KIF17: variants seen among roughly 807,000 people sequenced by gnomAD.
KIF17 encodes the protein kinesin-like protein KIF17.
In KIF17, 80 loss-of-function variants were observed where a neutral mutation model predicts 96.8. The ratio of observed to expected loss-of-function variants is 0.83; its 90% CI spans 0.69 to 1.00. The LOEUF (loss-of-function observed/expected upper bound fraction) is 1.00, where lower values mean the gene tolerates loss of function less well. KIF17 is among the 50% of genes least tolerant of loss of function. The pLI, the probability that KIF17 is intolerant of heterozygous loss-of-function variation, is 0.00. For synonymous variants in KIF17, 567 were observed against 587.5 expected (o/e 0.97, Z 0.51); for missense variants, 1,280 against 1,372.9 (o/e 0.93, Z 1.07).
chr1:20,705,829 C>A lies in KIF17; in HGVS notation c.671-930G>T, dbSNP rs546609482. ...TCACCACCTGTATATAAACTGTGAA[C>A]TGAAATACTGACAGAGCCGCTCTGG... On this transcript the variant is annotated intron_variant, in intron 4 of 14. Transcript: ENST00000400463. 2.0e-5 allele frequency among the ~76,000 whole-genome samples: 3 copies of A among 148,276 alleles called. No homozygotes were observed. The South Asian group carries it at 6.4e-4, about 32-fold the overall frequency.
intron 6 of KIF17, among the ~76,000 whole-genome samples, chr1:20,694,581 C>G (rs978725256): frequency 6.6e-6 from 1 of 152,176 alleles, no homozygotes; most frequent in African/African-American, 2.4e-5. Context: ...ATGGCGTGGG[C>G]AAGCACCATG....
chr1:20,687,495 C>G lies in KIF17; in HGVS notation c.1831G>C (p.Gly611Arg). 3.7e-6 allele frequency: 6 copies of G among 1,613,798 alleles called. No homozygotes were observed. Among genetic ancestry groups the G allele is most frequent in the Non-Finnish European group, 5.1e-6 (6 of 1,179,824 alleles). The change falls in exon 8 of 15, where the codon GGC (glycine) becomes CGC (arginine). Residue 611 changes from glycine to arginine, a missense_variant. Coordinates refer to ENST00000400463, the MANE Select transcript of KIF17 (RefSeq NM_001122819.3). This position sits in a 1 kb window ranked among gnomAD's most constrained non-coding sequence, Gnocchi z 4.4. ...ACCTCGGCAAACGGGTCCTGCAGGC[C>G]TAGTAACCCCTGCAGGGGCACCTCC... ...PQEVPLQGLLGLQDPFAEVEA... is the reference protein window; with the variant it reads ...PQEVPLQGLLRLQDPFAEVEA...
At chr1:20,674,942 G>A (rs932789487) in intron 11 of KIF17, among the ~76,000 whole-genome samples, 3 of 152,054 alleles carry the variant, frequency 2.0e-5, no homozygotes, top group African/African-American at 7.2e-5. Flanking sequence ...CTGAGGTCAG[G>A]AGTTCGAGAC....
intron 2 of KIF17, among the ~76,000 whole-genome samples, chr1:20,714,135 G>A (rs944601126): frequency 6.6e-6 from 1 of 152,154 alleles, no homozygotes; most frequent in African/African-American, 2.4e-5. Flanking sequence ...AGATCATCCT[G>A]GCTAACACGG....
chr1:20,698,546 A>G, intron 5 of KIF17, 58 bp from the exon 6 acceptor site: 1 of 1,163,358 alleles, frequency 8.6e-7, no homozygotes, highest in Non-Finnish European at 1.3e-6. Context: ...TGCAGGAACT[A>G]AGCAGAAATC....
chr1:20,664,342 TG>T lies in KIF17; in HGVS notation c.*241del, dbSNP rs2053486057. On this transcript the variant is annotated 3_prime_UTR_variant, in exon 15 of 15. Coordinates refer to ENST00000400463, the MANE Select transcript of KIF17 (RefSeq NM_001122819.3). ...AGGTGAGCAGACGGAAACACTGATG[TG>T]GTATGAACAGCTGGAGCAGGCCTCT... The T allele has an allele frequency of 7.1e-7, 1 of 1,411,404 alleles. No individual in the cohort carries two copies. The highest frequency in any genetic ancestry group is 9.2e-7 in the Non-Finnish European group (1 of 1,084,218). 87.4% of individuals were successfully genotyped at this position (1,411,404 alleles called of 1,614,324 possible). A position where few individuals can be genotyped will look rare whatever the true frequency, so the allele number is the denominator to read the frequency against.
At position 20,700,505 on chromosome 1, in the gene KIF17, G is replaced by A. The variant is rs1395988552; in HGVS notation, c.1124-2017C>T. ...ACCTGAGTTGCCTCTGTCAGCTGTT[G>A]GGGGGAGCTGCAGCCTAGCAGATTT... On this transcript the variant is annotated intron_variant, in intron 5 of 14. Coordinates refer to ENST00000400463, the MANE Select transcript of KIF17 (RefSeq NM_001122819.3). The surrounding 1 kb of genome is among the most constrained non-coding windows in gnomAD (Gnocchi z 4.6). 6.6e-6 allele frequency among the ~76,000 whole-genome samples: 1 copy of A among 152,188 alleles called. No homozygotes were observed. The highest frequency in any genetic ancestry group is 2.4e-5 in the African/African-American group (1 of 41,446).
chr1:20,709,968 G>T lies in KIF17; in HGVS notation c.481-140C>A. On this transcript the variant is annotated intron_variant, in intron 3 of 14. Transcript: ENST00000400463. The surrounding 1 kb of genome is among the most constrained non-coding windows in gnomAD (Gnocchi z 4.7). ...ATGCAGGCTGGCACCTCACATGCCT[G>T]TCACAGGGAGGGGTGTGTTCCAGGC... The T allele has an allele frequency of 1.3e-6, 1 of 783,088 alleles. No individual in the cohort carries two copies. Among genetic ancestry groups the T allele is most frequent in the Non-Finnish European group, 2.2e-6 (1 of 463,810 alleles). 48.5% of individuals were successfully genotyped at this position (783,088 alleles called of 1,614,324 possible).
Position 20,690,235 on chromosome 1 carries a change from T to C in KIF17, c.1334A>G (p.Tyr445Cys). The C allele has an allele frequency of 6.2e-7, 1 of 1,613,714 alleles. No individual in the cohort carries two copies. Among genetic ancestry groups the C allele is most frequent in the East Asian group, 2.2e-5 (1 of 44,830 alleles). The part of the protein sequence containing the change: ...EEDITAMRNS[Y>C]DVRLSTLEEN... Reference sequence around the variant, plus strand: ...CTCCAGCGTGGACAGCCTGACGTCATATGAGTTGCGCATGGCAGTGATGTC... The same window carrying C: ...CTCCAGCGTGGACAGCCTGACGTCACATGAGTTGCGCATGGCAGTGATGTC... Residue 445 changes from tyrosine to cysteine, a missense_variant, in exon 7 of 15, where the codon TAT becomes TGT. Physicochemically the swap from Tyr to Cys is radical, Grantham distance 194. Transcript: ENST00000400463.
In KIF17 at chr1:20,672,727, A is replaced by G. The variant is rs745716539; in HGVS notation, c.2464-531T>C. Among the ~76,000 whole-genome samples, 4 of 152,192 alleles carry G rather than the reference A, an allele frequency of 2.6e-5. No individual in the cohort carries two copies. The highest frequency in any genetic ancestry group is 6.5e-5 in the Admixed American group (1 of 15,272). ...GACAAACACTGGACCTAAACAATGG[A>G]CCTAAGAGTAAGACCCACCTTGATC... On this transcript the variant is annotated intron_variant, in intron 11 of 14. Coordinates refer to ENST00000400463, the MANE Select transcript of KIF17 (RefSeq NM_001122819.3). This position sits in a 1 kb window ranked among gnomAD's most constrained non-coding sequence, Gnocchi z 4.3.
rs373972661 is a variant in KIF17 at position 20,682,797 on chromosome 1, G to T, written c.2319C>A (p.Tyr773Ter). Residue 773 changes from tyrosine to a stop codon, truncating the protein, a stop_gained, in exon 11 of 15, where the codon TAC (tyrosine) becomes TAA (stop). Transcript: ENST00000400463. LOFTEE classifies it high-confidence loss of function. ...LKEKHKRRKR[Y>*]ADERRKQLVA... is the part of the protein sequence containing the mutation. ...CCAGCTGCTTCCTGCGCTCGTCTGC[G>T]TAGCGCTTGCGCCGCTTGTGCTTCT... is the stretch of plus-strand genomic sequence containing the variant. 6 of 1,612,752 alleles carry T rather than the reference G, an allele frequency of 3.7e-6. No individual in the cohort carries two copies. In the East Asian group the frequency reaches 1.1e-4, roughly 30 times the overall value.
intron 6 of KIF17, among the ~76,000 whole-genome samples, chr1:20,697,057 C>T (rs1373999304): frequency 6.6e-6 from 1 of 152,228 alleles, no homozygotes; most frequent in African/African-American, 2.4e-5. Context: ...CGTGCAGCGC[C>T]CGAGGCTCTT....
Position 20,704,682 on chromosome 1 carries a change from C to G in KIF17, c.888G>C (p.Leu296=). The change falls in exon 5 of 15, where the codon CTG becomes CTC. Residue 296 remains leucine (L), a synonymous_variant. Coordinates refer to ENST00000400463, the MANE Select transcript of KIF17 (RefSeq NM_001122819.3). This position sits in a 1 kb window ranked among gnomAD's most constrained non-coding sequence, Gnocchi z 6.8. ...TGGTGTTGCCGCCCAGTGAGTCCTGCAGCAGCCGCGTCAGCTTCGAGTCAC... is the reference window on the plus strand; with the variant it reads ...TGGTGTTGCCGCCCAGTGAGTCCTGGAGCAGCCGCGTCAGCTTCGAGTCAC... ...PYRDSKLTRL[L]QDSLGGNTKT... 2 of 1,614,120 alleles carry G rather than the reference C, an allele frequency of 1.2e-6. No individual in the cohort carries two copies. The highest frequency in any genetic ancestry group is 1.7e-6 in the Non-Finnish European group (2 of 1,180,028).
intron 6 of KIF17, among the ~76,000 whole-genome samples, chr1:20,694,272 T>A (rs1221391933): frequency 6.6e-6 from 1 of 152,108 alleles, no homozygotes; most frequent in East Asian, 1.9e-4. Flanking sequence ...TAATTTTTTA[T>A]ATTTTTGGTA....
chr1:20,664,430 G>C lies in KIF17; in HGVS notation c.*154C>G, dbSNP rs1256625654. 1 of 1,543,414 alleles carries C rather than the reference G, an allele frequency of 6.5e-7. No homozygotes were observed. The highest frequency in any genetic ancestry group is 1.4e-5 in the African/African-American group (1 of 73,518). ...CCAGGGCGGAGGTGGGCTCTCTGGGGAACAGGGAAGGGAATGTGTCTTCCC... is the reference window on the plus strand; with the variant it reads ...CCAGGGCGGAGGTGGGCTCTCTGGGCAACAGGGAAGGGAATGTGTCTTCCC... On this transcript the variant is annotated 3_prime_UTR_variant, in exon 15 of 15. Coordinates refer to ENST00000400463, the MANE Select transcript of KIF17 (RefSeq NM_001122819.3).
intron 6 of KIF17, 124 bp from the exon 7 acceptor site, chr1:20,690,459 A>G (rs1293349139): frequency 3.2e-5 from 26 of 811,762 alleles, no homozygotes; most frequent in East Asian, 2.6e-4. Flanking sequence ...AGAGAATCCA[A>G]TGGTACAACA....
Position 20,709,940 on chromosome 1 carries a change from G to A in KIF17, c.481-112C>T. On this transcript the variant is annotated intron_variant, in intron 3 of 14. Coordinates refer to ENST00000400463, the MANE Select transcript of KIF17 (RefSeq NM_001122819.3). This position sits in a 1 kb window ranked among gnomAD's most constrained non-coding sequence, Gnocchi z 4.7. ...CCATCCAGACCGCCCTCGCCCTCCT[G>A]TAATGCAGGCTGGCACCTCACATGC... 1.0e-6 allele frequency: 1 copy of A among 996,156 alleles called. No homozygotes were observed. The highest frequency in any genetic ancestry group is 1.5e-6 in the Non-Finnish European group (1 of 650,812). 61.7% of individuals were successfully genotyped at this position (996,156 alleles called of 1,614,324 possible).
intron 3 of KIF17, among the ~76,000 whole-genome samples, chr1:20,711,224 AGAG>A (rs1455042637): frequency 6.6e-6 from 1 of 152,204 alleles, no homozygotes; most frequent in Non-Finnish European, 1.5e-5. Flanking sequence ...TCAGTTACAA[AGAG>A]GATGAGGTCG....
At chr1:20,695,080 A>G (rs1210668312) in intron 6 of KIF17, among the ~76,000 whole-genome samples, 1 of 152,012 alleles carries the variant, frequency 6.6e-6, no homozygotes, top group African/African-American at 2.4e-5. Flanking sequence ...ACAGACACAC[A>G]TGCACCCTCA....
Sources: allele counts gnomAD v4.1 joint callset (sites outside exome capture counted in the v4.1 genomes callset), GRCh38; gene constraint gnomAD v4.1.1; non-coding constraint Gnocchi (gnomAD v3.1); transcripts MANE v1.5; gene names NCBI Gene and HGNC (gene_info 2026-07-23, HGNC 2026-07-21).